Variants in LHFPL3 observed in about 807,000 individuals in gnomAD.
LHFPL3 encodes LHFPL tetraspan subfamily member 3 protein.
A neutral mutation model predicts 19.3 loss-of-function variants in LHFPL3; 5 were observed. The ratio of observed to expected loss-of-function variants is 0.26; its 90% CI spans 0.14 to 0.54. The LOEUF is 0.54. Ranked by LOEUF, LHFPL3 falls within the 20% of genes least tolerant of loss-of-function variation. LHFPL3 has a pLI of 0.94. For missense variants in LHFPL3, 249 were observed against 307.4 expected (o/e 0.81, Z 1.42); for synonymous variants, 133 against 126.2 (o/e 1.05, Z -0.36).
chr7:104,768,794 G>A (rs2116391283), intron 2 of LHFPL3: 1 of 152,304 alleles, frequency 6.6e-6, no homozygotes, highest in South Asian at 2.1e-4. Flanking sequence ...GGTCTATTCT[G>A]TTGCACTCTT....
At chr7:104,390,369 A>G (rs1343844521) in intron 1 of LHFPL3, among the ~76,000 whole-genome samples, 1 of 145,552 alleles carries the variant, frequency 6.9e-6, no homozygotes, top group African/African-American at 2.5e-5. Context: ...CCCAGTGTGT[A>G]GTGTTCCCCA....
chr7:104,633,111 C>T (rs1473585341), intron 1 of LHFPL3, among the ~76,000 whole-genome samples: 1 of 152,126 alleles, frequency 6.6e-6, no homozygotes, highest in Non-Finnish European at 1.5e-5. Context: ...CTAGACACAA[C>T]TTCTAGTTCT....
intron 1 of LHFPL3, among the ~76,000 whole-genome samples, chr7:104,562,415 C>T (rs1012072476): frequency 2.6e-5 from 4 of 152,176 alleles, no homozygotes; most frequent in East Asian, 1.9e-4. Flanking sequence ...CTTCCCTTCT[C>T]GCTTCATTTC....
At chr7:104,422,432 T>C (rs117278566) in intron 1 of LHFPL3, among the ~76,000 whole-genome samples, 1 of 152,210 alleles carries the variant, frequency 6.6e-6, no homozygotes, top group South Asian at 2.1e-4. Context: ...GGGGCTTCAT[T>C]ATAACAGCCC....
Position 104,906,403 on chromosome 7 carries a change from A to G in LHFPL3, c.*188A>G. 1.6e-6 allele frequency: 1 copy of G among 637,848 alleles called. No individual in the cohort carries two copies. The highest frequency in any genetic ancestry group is 2.6e-6 in the Non-Finnish European group (1 of 386,906). 39.5% of individuals were successfully genotyped at this position (637,848 alleles called of 1,614,324 possible). ...CTAAATCTAGATCAGCAGAGATGGG[A>G]GTGATTTTCTGGAAAGAGATGTGAT... On this transcript the variant is annotated 3_prime_UTR_variant, in exon 3 of 3. Coordinates refer to ENST00000424859, the MANE Select transcript of LHFPL3 (RefSeq NM_199000.3).
chr7:104,474,684 C>T (rs796693197), intron 1 of LHFPL3, among the ~76,000 whole-genome samples: 1 of 70,820 alleles, frequency 1.4e-5, no homozygotes, highest in African/African-American at 5.9e-5. Flanking sequence ...ACAACAACAA[C>T]AACAAAAAAA....
intron 2 of LHFPL3, among the ~76,000 whole-genome samples, chr7:104,887,407 A>G (rs1792170598): frequency 6.6e-6 from 1 of 152,242 alleles, no homozygotes; most frequent in South Asian, 2.1e-4. Context: ...AGGGAGTATT[A>G]GCAAACAAGT....
intron 2 of LHFPL3, among the ~76,000 whole-genome samples, chr7:104,889,817 T>A (rs1403848427): frequency 2.0e-5 from 3 of 152,208 alleles, no homozygotes; most frequent in Non-Finnish European, 2.9e-5. Context: ...AATGGAAACA[T>A]TTAAAATCAA....
intron 2 of LHFPL3, among the ~76,000 whole-genome samples, chr7:104,788,096 T>C (rs1789955366): frequency 6.6e-6 from 1 of 152,248 alleles, no homozygotes; most frequent in Non-Finnish European, 1.5e-5. Flanking sequence ...GTAGGAAGAA[T>C]AGAAACCATT....
intron 1 of LHFPL3, among the ~76,000 whole-genome samples, chr7:104,732,319 C>G (rs1057300431): frequency 5.3e-5 from 8 of 152,114 alleles, no homozygotes; most frequent in African/African-American, 1.9e-4. Context: ...CTCCTTGTAC[C>G]TCTGGTAGAA....
intron 1 of LHFPL3, among the ~76,000 whole-genome samples, chr7:104,567,496 T>C (rs2115975869): frequency 6.6e-6 from 1 of 152,356 alleles, no homozygotes; most frequent in East Asian, 1.9e-4. Context: ...AACTGTAGCA[T>C]CAGGTGAGCA....
In LHFPL3 at chr7:104,404,411, A is replaced by G. The variant is rs557818651; in HGVS notation, c.445+75187A>G. On this transcript the variant is annotated intron_variant, in intron 1 of 2. Transcript: ENST00000424859. Reference sequence around the variant, plus strand: ...AGCAAATATTTTTTAAAAACTGCTTATGCAATTCAGTAGAGATCAGTAGTG... The same window carrying G: ...AGCAAATATTTTTTAAAAACTGCTTGTGCAATTCAGTAGAGATCAGTAGTG... Among the ~76,000 whole-genome samples, 109 of 152,368 alleles carry G rather than the reference A, an allele frequency of 7.2e-4. 1 individual carries two copies. The highest frequency in any genetic ancestry group is 1.1e-3 in the Non-Finnish European group (72 of 68,038).
intron 2 of LHFPL3, among the ~76,000 whole-genome samples, chr7:104,889,613 C>G (rs1240809194): frequency 6.6e-6 from 1 of 152,154 alleles, no homozygotes; most frequent in Non-Finnish European, 1.5e-5. Context: ...GCACTCCAGC[C>G]TGGGTGACAG....
At chr7:104,366,275 T>C (rs1790494573) in intron 1 of LHFPL3, among the ~76,000 whole-genome samples, 1 of 152,184 alleles carries the variant, frequency 6.6e-6, no homozygotes, top group South Asian at 2.1e-4. Flanking sequence ...GGAGCAGGAA[T>C]TGCACTATCT....
chr7:104,779,591 A>T (rs1305321541), intron 2 of LHFPL3, among the ~76,000 whole-genome samples: 1 of 152,202 alleles, frequency 6.6e-6, no homozygotes, highest in Non-Finnish European at 1.5e-5. Flanking sequence ...CATGCGACTC[A>T]GCCGTTCTGA....
intron 2 of LHFPL3, among the ~76,000 whole-genome samples, chr7:104,876,836 T>C (rs1791954007): frequency 6.6e-6 from 1 of 152,230 alleles, no homozygotes; most frequent in South Asian, 2.1e-4. Context: ...TGTATGTTTA[T>C]TGTGGCACTA....
chr7:104,560,528 C>T (rs1342716657), intron 1 of LHFPL3, among the ~76,000 whole-genome samples: 7 of 148,712 alleles, frequency 4.7e-5, no homozygotes, highest in African/African-American at 9.9e-5. Flanking sequence ...GTGGTGATAT[C>T]CCCTTTATCA....
intron 1 of LHFPL3, among the ~76,000 whole-genome samples, chr7:104,620,927 A>G (rs1791433104): frequency 6.6e-6 from 1 of 152,184 alleles, no homozygotes; most frequent in South Asian, 2.1e-4. Context: ...CTTTCTCCTG[A>G]AGACAGTCTT....
chr7:104,664,959 G>A (rs1792303491), intron 1 of LHFPL3, among the ~76,000 whole-genome samples: 1 of 152,144 alleles, frequency 6.6e-6, no homozygotes, highest in African/African-American at 2.4e-5. Context: ...AGCCATCTCT[G>A]CTGTAGGTAT....
Sources: allele counts gnomAD v4.1 joint callset (sites outside exome capture counted in the v4.1 genomes callset), GRCh38; gene constraint gnomAD v4.1.1; transcripts MANE v1.5; gene names NCBI Gene and HGNC (gene_info 2026-07-23, HGNC 2026-07-21).